GALNT13: variants seen among roughly 807,000 people sequenced by gnomAD.
GALNT13 encodes UDP-GalNAc:polypeptide N-acetylgalactosaminyltransferase 13.
In GALNT13, 28 loss-of-function variants were observed where a neutral mutation model predicts 64.2. The observed-to-expected ratio is 0.44, with a 90% CI of 0.32 to 0.60. The LOEUF (loss-of-function observed/expected upper bound fraction) is 0.60, where lower values mean the gene tolerates loss of function less well. Among genes scored for constraint, GALNT13 ranks in the 20% least tolerant of loss-of-function variants. The pLI is 0.05. For missense variants in GALNT13, 577 were observed against 669.8 expected, an observed-to-expected ratio of 0.86 and a Z score of 1.53; for synonymous variants, 214 against 224.6, an observed-to-expected ratio of 0.95 and a Z score of 0.42.
chr2:153,864,697 G>A, the GALNT13 span, among the ~76,000 whole-genome samples: 5 of 151,544 alleles, frequency 3.3e-5, no homozygotes, highest in African/African-American at 7.3e-5. Flanking sequence ...ATGCTCATGG[G>A]TAGGAAGAAT....
At chr2:153,812,334 A>T in the GALNT13 span, among the ~76,000 whole-genome samples, 2 of 152,230 alleles carry the variant, frequency 1.3e-5, no homozygotes, top group Non-Finnish European at 2.9e-5. Context: ...AGGCAAAATT[A>T]TGGAACAATT....
chr2:153,336,345 A>G, the GALNT13 span, among the ~76,000 whole-genome samples: 3 of 152,138 alleles, frequency 2.0e-5, no homozygotes, highest in African/African-American at 7.2e-5. Context: ...AGCCCATGAA[A>G]GCAGCCAGGA....
chr2:154,203,204 C>T (rs1016407111), intron 4 of GALNT13, among the ~76,000 whole-genome samples: 86 of 152,188 alleles, frequency 5.7e-4, no homozygotes, highest in African/African-American at 1.9e-3. Flanking sequence ...TAGCCATTTT[C>T]GCCTTGAGCA....
the GALNT13 span, among the ~76,000 whole-genome samples, chr2:153,175,971 G>T: frequency 6.6e-6 from 1 of 152,112 alleles, no homozygotes; most frequent in Non-Finnish European, 1.5e-5. Context: ...ATCTCCACTA[G>T]TTTCAGGATC....
intron 9 of GALNT13, among the ~76,000 whole-genome samples, chr2:154,324,241 T>A (rs1291229164): frequency 6.6e-6 from 1 of 152,110 alleles, no homozygotes; most frequent in Non-Finnish European, 1.5e-5. Context: ...TTTAGGGTTT[T>A]TAAATTATTT....
the GALNT13 span, among the ~76,000 whole-genome samples, chr2:153,780,535 T>C: frequency 6.6e-6 from 1 of 152,102 alleles, no homozygotes; most frequent in Non-Finnish European, 1.5e-5. Context: ...AATCTTTGCT[T>C]TTACCAGCAC....
intron 7 of GALNT13, among the ~76,000 whole-genome samples, chr2:154,251,990 A>C (rs1048549890): frequency 2.0e-5 from 3 of 152,268 alleles, no homozygotes; most frequent in Non-Finnish European, 2.9e-5. Flanking sequence ...TGTAAAAAAA[A>C]CCTTATTTTT....
chr2:154,247,206 T>C (rs1689828878), intron 7 of GALNT13, among the ~76,000 whole-genome samples: 1 of 152,048 alleles, frequency 6.6e-6, no homozygotes, highest in Admixed American at 6.6e-5. Context: ...ATGTAAGTTA[T>C]CCTGTCAGTA....
chr2:153,089,120 T>C, the GALNT13 span, among the ~76,000 whole-genome samples: 2 of 152,224 alleles, frequency 1.3e-5, no homozygotes, highest in Admixed American at 6.5e-5. Context: ...TTCAAGGTTT[T>C]GTTCAGTATT....
intron 3 of GALNT13, among the ~76,000 whole-genome samples, chr2:154,067,792 A>G (rs377000875): frequency 1.8e-4 from 28 of 152,220 alleles, no homozygotes; most frequent in African/African-American, 6.3e-4. Context: ...GAAACTCTCC[A>G]AGATGTTGGT....
intron 11 of GALNT13, among the ~76,000 whole-genome samples, chr2:154,416,350 A>G (rs184933692): frequency 2.6e-5 from 4 of 152,226 alleles, no homozygotes; most frequent in African/African-American, 9.6e-5. Context: ...GTGAAAGAGA[A>G]GAGCTAGATC....
At chr2:154,392,013 T>C (rs1698816985) in intron 9 of GALNT13, among the ~76,000 whole-genome samples, 1 of 152,104 alleles carries the variant, frequency 6.6e-6, no homozygotes, top group Non-Finnish European at 1.5e-5. Context: ...AGTTGCAGGG[T>C]AACACCATTA....
chr2:153,522,930 A>G, the GALNT13 span, among the ~76,000 whole-genome samples: 845 of 152,146 alleles, frequency 5.6e-3, 8 homozygotes, highest in African/African-American at 0.02. Context: ...TCATTGATAA[A>G]CCCAAGGACA....
At chr2:153,284,964 T>C in the GALNT13 span, among the ~76,000 whole-genome samples, 2 of 150,950 alleles carry the variant, frequency 1.3e-5, no homozygotes, top group Non-Finnish European at 3.0e-5. Context: ...TGTGCATTCA[T>C]GTACATGTAT....
intron 4 of GALNT13, among the ~76,000 whole-genome samples, chr2:154,199,217 C>T (rs1687043067): frequency 1.3e-5 from 2 of 151,770 alleles, no homozygotes; most frequent in Admixed American, 1.3e-4. Context: ...ATGTTTCTCT[C>T]AGATTTATAT....
At chr2:153,527,304 C>T in the GALNT13 span, among the ~76,000 whole-genome samples, 4 of 152,046 alleles carry the variant, frequency 2.6e-5, no homozygotes, top group South Asian at 4.2e-4. Flanking sequence ...AGAAAAGGAA[C>T]GAATAACACA....
the GALNT13 span, among the ~76,000 whole-genome samples, chr2:153,110,551 GA>G: frequency 1.3e-5 from 2 of 152,070 alleles, no homozygotes; most frequent in Non-Finnish European, 2.9e-5. Flanking sequence ...TTTGGACTTG[GA>G]TCAGGAGCTT....
chr2:153,398,542 G>A, the GALNT13 span, among the ~76,000 whole-genome samples: 3,380 of 151,942 alleles, frequency 0.022, 117 homozygotes, highest in African/African-American at 0.076. Context: ...TCCACCAACA[G>A]TGTAAAAGTG....
chr2:154,369,630 A>T (rs140921749), intron 9 of GALNT13, among the ~76,000 whole-genome samples: 2 of 152,280 alleles, frequency 1.3e-5, no homozygotes, highest in Non-Finnish European at 2.9e-5. Context: ...CTCATGAGCC[A>T]GTCTCCTCTT....
Sources: allele counts gnomAD v4.1 joint callset (sites outside exome capture counted in the v4.1 genomes callset), GRCh38; gene constraint gnomAD v4.1.1; transcripts MANE v1.5; gene names NCBI Gene and HGNC (gene_info 2026-07-23, HGNC 2026-07-21).